SPOUT1: variants seen among roughly 807,000 people sequenced by gnomAD.
SPOUT1 encodes SPOUT domain containing methyltransferase 1.
SPOUT1 carries 40 observed loss-of-function variants against 54.8 expected under a neutral mutation model. The ratio of observed to expected loss-of-function variants is 0.73; its 90% CI spans 0.57 to 0.95. SPOUT1 has a LOEUF of 0.95. SPOUT1 is among the 40% of genes least tolerant of loss of function. The pLI, the probability that SPOUT1 is intolerant of heterozygous loss-of-function variation, is 0.00. For synonymous variants in SPOUT1, 193 were observed against 200.3 expected (o/e 0.96, Z 0.31); for missense variants, 437 against 499.5 (o/e 0.87, Z 1.19).
At chr9:128,823,299 T>C (rs1830166214) in intron 11 of SPOUT1, among the ~76,000 whole-genome samples, 1 of 152,104 alleles carries the variant, frequency 6.6e-6, no homozygotes, top group African/African-American at 2.4e-5. Context: ...CAGCGTCCTA[T>C]GCCTGACCCC....
chr9:128,825,994 G>A (rs768173389), intron 7 of SPOUT1, 28 bp downstream of exon 7: 4 of 1,613,970 alleles, frequency 2.5e-6, no homozygotes, highest in East Asian at 2.2e-5. Context: ...TCCTGGAGGT[G>A]TGTCCTAGCC....
rs1480298619 is a variant in SPOUT1, at chr9:128,820,628, T to C, written c.*2137A>G. On this transcript the variant is annotated 3_prime_UTR_variant, in exon 12 of 12. Coordinates refer to ENST00000361256, the MANE Select transcript of SPOUT1 (RefSeq NM_016390.4). ...TTGAGCCTCAGTTTCCCCCCGCTTGTCTCACTGGATATCTCTGAGCCTGTC... is the reference window on the plus strand; with the variant it reads ...TTGAGCCTCAGTTTCCCCCCGCTTGCCTCACTGGATATCTCTGAGCCTGTC... 30 of 852,024 alleles carry C rather than the reference T, an allele frequency of 3.5e-5. No homozygotes were observed. The highest frequency in any genetic ancestry group is 5.6e-5 in the Non-Finnish European group (30 of 531,662). The allele number at this position is 852,024 out of a possible 1,614,324, so 52.8% of individuals were successfully genotyped here.
rs1830067169 is a variant in SPOUT1, at chr9:128,819,687, A to G, written c.*3078T>C. ...TACATTTTATTTCTATTATTATTAC[A>G]TTGTAACATATAGTGAAATATACAA... On this transcript the variant is annotated 3_prime_UTR_variant, in exon 12 of 12. Transcript: ENST00000361256. 2 of 155,704 alleles carry G rather than the reference A, an allele frequency of 1.3e-5. No homozygotes were observed. The highest frequency in any genetic ancestry group is 4.8e-5 in the African/African-American group (2 of 41,490). The allele number at this position is 155,704 out of a possible 1,614,324, so 9.6% of individuals were successfully genotyped here. A position where few individuals can be genotyped will look rare whatever the true frequency, so the allele number is the denominator to read the frequency against.
At position 128,821,425 on chromosome 9, in the gene SPOUT1, C is replaced by T. The variant is rs1054049299; in HGVS notation, c.*1340G>A. On this transcript the variant is annotated 3_prime_UTR_variant, in exon 12 of 12. Transcript: ENST00000361256. Reference sequence around the variant, plus strand: ...TCCCCAGTGCACCGAGCTCTCATGCCTTCCCCCTGCAGGTCCGCGGTGCAC... The same window carrying T: ...TCCCCAGTGCACCGAGCTCTCATGCTTTCCCCCTGCAGGTCCGCGGTGCAC... The T allele has an allele frequency of 6.8e-5, 11 of 162,888 alleles. No homozygotes were observed. The highest frequency in any genetic ancestry group is 2.4e-4 in the African/African-American group (10 of 41,450). The allele number at this position is 162,888 out of a possible 1,614,324, so 10.1% of individuals were successfully genotyped here.
intron 11 of SPOUT1, 23 bp from the exon 12 acceptor site, chr9:128,822,856 G>C: frequency 7.8e-6 from 12 of 1,546,772 alleles, no homozygotes; most frequent in Non-Finnish European, 1.1e-5. Flanking sequence ...CGTGGCAGTG[G>C]GCTGGGGCCT....
At position 128,823,911 on chromosome 9, in the gene SPOUT1, G is replaced by A. The variant is rs1830181574; in HGVS notation, c.915-17C>T. 1 of 1,611,370 alleles carries A rather than the reference G, an allele frequency of 6.2e-7. No individual in the cohort carries two copies. Among genetic ancestry groups the A allele is most frequent in the African/African-American group, 1.3e-5 (1 of 74,764 alleles). On this transcript the variant is annotated splice_polypyrimidine_tract_variant and intron_variant, in intron 10 of 11. Transcript: ENST00000361256. ...AGAGCATGCCTGGCCCATGTAAGAG[G>A]GGGTCACCTGAGCGGCCACCGAGGC...
intron 1 of SPOUT1, 76 bp downstream of exon 1, chr9:128,829,669 G>C: frequency 1.7e-6 from 2 of 1,195,392 alleles, no homozygotes; most frequent in Non-Finnish European, 2.4e-6. Flanking sequence ...GCCCGGCCCC[G>C]GCGAAGGCCC....
chr9:128,822,248 G>A lies in SPOUT1; in HGVS notation c.*517C>T. 1 of 1,536,230 alleles carries A rather than the reference G, an allele frequency of 6.5e-7. No homozygotes were observed. Among genetic ancestry groups the A allele is most frequent in the East Asian group, 2.3e-5 (1 of 44,054 alleles). ...GCAGGTTGACAGAAGTTAGAGGACA[G>A]ATCAGGGAAGGCTGCCTGGAAGAGG... On this transcript the variant is annotated 3_prime_UTR_variant, in exon 12 of 12. Transcript: ENST00000361256.
chr9:128,825,782 G>A (rs913388433), intron 7 of SPOUT1, among the ~76,000 whole-genome samples: 12 of 152,204 alleles, frequency 7.9e-5, no homozygotes, highest in Admixed American at 7.9e-4. Flanking sequence ...CTTTCAACTT[G>A]TTTCTGCAGG....
At chr9:128,828,549 CT>C (rs1830285312) in intron 3 of SPOUT1, among the ~76,000 whole-genome samples, 185 bp downstream of exon 3, 1 of 151,906 alleles carries the variant, frequency 6.6e-6, no homozygotes, top group African/African-American at 2.4e-5. Flanking sequence ...TGAAATTTAC[CT>C]AAGCAGGAGG....
At chr9:128,824,723 C>G (rs770753854) in intron 9 of SPOUT1, 48 bp downstream of exon 9, 1 of 1,459,132 alleles carries the variant, frequency 6.9e-7, no homozygotes, top group South Asian at 1.1e-5. Flanking sequence ...TCCCGGCCAC[C>G]TCCCAGAGGG....
chr9:128,827,342 G>A (rs922625910), intron 3 of SPOUT1, 151 bp from the exon 4 acceptor site: 17 of 673,952 alleles, frequency 2.5e-5, no homozygotes, highest in Admixed American at 2.0e-4. Context: ...TCCCCTCTCT[G>A]GGCCTCAGTC....
Position 128,826,233 on chromosome 9 carries a change from C to G in SPOUT1, c.509-81G>C, listed in dbSNP as rs887708778. 1.1e-5 allele frequency: 17 copies of G among 1,561,594 alleles called. No individual in the cohort carries two copies. Among genetic ancestry groups the G allele is most frequent in the Non-Finnish European group, 1.4e-5 (16 of 1,145,814 alleles). On this transcript the variant is annotated intron_variant, in intron 6 of 11. Transcript: ENST00000361256. This position sits in a 1 kb window ranked among gnomAD's most constrained non-coding sequence, Gnocchi z 5.5. The stretch of plus-strand genomic sequence containing the variant: ...TGGGGACCCTGGAGCGGAGTACCGG[C>G]TCTGCCACAGACCTGCGTCTTGGCA...
chr9:128,825,343 CTTTTT>C (rs1564435678), intron 7 of SPOUT1, among the ~76,000 whole-genome samples: 1 of 150,526 alleles, frequency 6.6e-6, no homozygotes, highest in Non-Finnish European at 1.5e-5. Context: ...TCTTTTTTTT[CTTTTT>C]TAAGATGGAG....
At position 128,822,512 on chromosome 9, in the gene SPOUT1, C is replaced by T; in HGVS notation, c.*253G>A. On this transcript the variant is annotated 3_prime_UTR_variant, in exon 12 of 12. Coordinates refer to ENST00000361256, the MANE Select transcript of SPOUT1 (RefSeq NM_016390.4). ...CATCCCACTGGAGCGCTTCCTGGTG[C>T]CCATCGAGAGCATTGAGCGGGCTTC... 3 of 1,560,888 alleles carry T rather than the reference C, an allele frequency of 1.9e-6. No individual in the cohort carries two copies. Among genetic ancestry groups the T allele is most frequent in the South Asian group, 1.2e-5 (1 of 84,892 alleles).
rs1269325536 is a variant in SPOUT1, at chr9:128,826,818, A to C, written c.369-189T>G. The stretch of plus-strand genomic sequence containing the variant: ...TGCACTCCAGCCGGGGTGACAGCTG[A>C]GATACAGGTTTAGGCCTTCTGGCTC... On this transcript the variant is annotated intron_variant, in intron 4 of 11. Coordinates refer to ENST00000361256, the MANE Select transcript of SPOUT1 (RefSeq NM_016390.4). This position sits in a 1 kb window ranked among gnomAD's most constrained non-coding sequence, Gnocchi z 5.5. Among the ~76,000 whole-genome samples, 1 of 152,126 alleles carries C rather than the reference A, an allele frequency of 6.6e-6. No individual in the cohort carries two copies. The highest frequency in any genetic ancestry group is 2.4e-5 in the African/African-American group (1 of 41,424).
In SPOUT1 at chr9:128,828,761, T is replaced by G. The variant is rs911593169; in HGVS notation, c.182A>C (p.Glu61Ala). 1.2e-6 allele frequency: 2 copies of G among 1,614,022 alleles called. No individual in the cohort carries two copies. The highest frequency in any genetic ancestry group is 1.1e-5 in the South Asian group (1 of 91,072). The change falls in exon 3 of 12, where the codon GAG becomes GCG. Residue 61 changes from glutamate (E) to alanine (A), a missense_variant. Coordinates refer to ENST00000361256, the MANE Select transcript of SPOUT1 (RefSeq NM_016390.4). Reference protein sequence around the residue: ...EEQAKRLEEEEAAAEKEDRGR... With the variant: ...EEQAKRLEEEAAAAEKEDRGR... ...GCGGTCCTCCTTCTCTGCCGCTGCC[T>G]CCTCCTCTTCCAGGCGCTTTGCCTG...
At chr9:128,824,509 C>T (rs1258470582) in intron 9 of SPOUT1, among the ~76,000 whole-genome samples, 1 of 152,138 alleles carries the variant, frequency 6.6e-6, no homozygotes, top group African/African-American at 2.4e-5. Context: ...GGGCCTCTGA[C>T]TTCTCTGGCC....
intron 9 of SPOUT1, among the ~76,000 whole-genome samples, 153 bp from the exon 10 acceptor site, chr9:128,824,327 TG>T (rs1278154673): frequency 6.8e-6 from 1 of 146,906 alleles, no homozygotes; most frequent in African/African-American, 2.5e-5. Flanking sequence ...TAGGGGTGGG[TG>T]GGTAGAGCTC....
Sources: gnomAD v4.1 joint callset for allele counts (sites outside exome capture counted in the v4.1 genomes callset) on GRCh38, gnomAD v4.1.1 for gene constraint, Gnocchi (gnomAD v3.1) non-coding constraint, MANE v1.5 for transcripts, NCBI Gene and HGNC (gene_info 2026-07-23, HGNC 2026-07-21) for gene names.